Variants in RALGPS2 observed in about 807,000 individuals in gnomAD.
RALGPS2 encodes the protein ras-specific guanine nucleotide-releasing factor RalGPS2.
RALGPS2 carries 43 observed loss-of-function variants against 86.8 expected under a neutral mutation model. That is an observed-to-expected ratio of 0.50 (90% CI 0.39 to 0.64). RALGPS2 has a LOEUF of 0.64. Among genes scored for constraint, RALGPS2 ranks in the 30% least tolerant of loss-of-function variants. The probability of loss-of-function intolerance (pLI) is 0.00; values close to 1 mark genes in which losing one functional copy is unlikely to be tolerated. For synonymous variants in RALGPS2, 243 were observed against 231.3 expected (o/e 1.05, Z -0.46); for missense variants, 536 against 694.6 (o/e 0.77, Z 2.57).
intron 8 of RALGPS2, among the ~76,000 whole-genome samples, chr1:178,871,432 A>G (rs1409421599): frequency 1.3e-5 from 2 of 152,200 alleles, no homozygotes; most frequent in Admixed American, 6.5e-5. Flanking sequence ...TTTTGTTAAC[A>G]AAGAACAAGA....
chr1:178,839,521 A>G (rs1427765740), intron 8 of RALGPS2, among the ~76,000 whole-genome samples: 1 of 152,134 alleles, frequency 6.6e-6, no homozygotes, highest in Non-Finnish European at 1.5e-5. Context: ...AGCACTAAAC[A>G]TGGAAAGGAA....
Position 178,784,471 on chromosome 1 carries a change from C to T in RALGPS2, c.111C>T (p.Ser37=), listed in dbSNP as rs1653552404. ...ACAAAGGCTCTGAATTGAAGAAAAG[C>T]TTTGATGCTGTGGTATTCGATGTTC... ...LSDKGSELKK[S]FDAVVFDVLK... is the part of the protein sequence containing the mutation. Residue 37 remains serine, a synonymous_variant, in exon 3 of 20, where the codon AGC becomes AGT. Transcript: ENST00000367635. 1 of 1,606,716 alleles carries T rather than the reference C, an allele frequency of 6.2e-7. No individual in the cohort carries two copies.
chr1:178,853,472 G>GA (rs1337921919), intron 8 of RALGPS2: 8 of 905,284 alleles, frequency 8.8e-6, no homozygotes, highest in East Asian at 3.0e-5. Context: ...TGTAGATAAT[G>GA]AAAAAACATA....
rs146890252 is a variant in RALGPS2 at position 178,852,933 on chromosome 1, G to A, written c.607+19383G>A. On this transcript the variant is annotated intron_variant, in intron 8 of 19. Transcript: ENST00000367635. ...TTTCCAGTCCAAGCCAGTATTCTCC[G>A]TCAATGTTTCCAAACCCTTTCTGTT... 1.4e-3 allele frequency: 2,180 copies of A among 1,611,582 alleles called. 2 individuals are homozygous for A. Among genetic ancestry groups the A allele is most frequent in the Non-Finnish European group, 1.6e-3 (1,874 of 1,178,862 alleles).
chr1:178,821,564 ATGT>A, intron 6 of RALGPS2, 45 bp from the exon 7 acceptor site: 1 of 1,422,128 alleles, frequency 7.0e-7, no homozygotes, highest in South Asian at 1.2e-5. Flanking sequence ...TCTTGTATTC[ATGT>A]TGTTCTTTTT....
At position 178,919,839 on chromosome 1, in the gene RALGPS2, G is replaced by A. The variant is rs1177736103; in HGVS notation, c.*3480G>A. On this transcript the variant is annotated 3_prime_UTR_variant, in exon 20 of 20. Coordinates refer to ENST00000367635, the MANE Select transcript of RALGPS2 (RefSeq NM_152663.5). ...TCTTCTGCAAACAAGGGGTGCCAGT[G>A]TTGCCTAACAGAAGATAATCTTTAA... 2 of 151,966 alleles carry A rather than the reference G, an allele frequency of 1.3e-5. No homozygotes were observed. Among genetic ancestry groups the A allele is most frequent in the East Asian group, 3.8e-4 (2 of 5,196 alleles). 9.4% of individuals were successfully genotyped at this position (151,966 alleles called of 1,614,324 possible). A position where few individuals can be genotyped will look rare whatever the true frequency, so the allele number is the denominator to read the frequency against.
At chr1:178,839,786 C>G (rs1210171893) in intron 8 of RALGPS2, among the ~76,000 whole-genome samples, 3 of 152,040 alleles carry the variant, frequency 2.0e-5, no homozygotes, top group Non-Finnish European at 4.4e-5. Flanking sequence ...CAGGGACACA[C>G]ATAGGCTCAA....
Position 178,916,423 on chromosome 1 carries a change from A to G in RALGPS2, c.*64A>G. 6.8e-7 allele frequency: 1 copy of G among 1,467,278 alleles called. No homozygotes were observed. Among genetic ancestry groups the G allele is most frequent in the African/African-American group, 1.4e-5 (1 of 70,960 alleles). 90.9% of individuals were successfully genotyped at this position (1,467,278 alleles called of 1,614,324 possible). A position where few individuals can be genotyped will look rare whatever the true frequency, so the allele number is the denominator to read the frequency against. On this transcript the variant is annotated 3_prime_UTR_variant, in exon 20 of 20. Transcript: ENST00000367635. Reference sequence around the variant, plus strand: ...CGTGAGCATGAGGACCTGATAAAAGAGCGCCAGCTATAAACCATCCTGTGC... The same window carrying G: ...CGTGAGCATGAGGACCTGATAAAAGGGCGCCAGCTATAAACCATCCTGTGC...
intron 14 of RALGPS2, 83 bp downstream of exon 14, chr1:178,889,779 T>C (rs1659644065): frequency 1.0e-6 from 1 of 968,680 alleles, no homozygotes; most frequent in African/African-American, 1.7e-5. Context: ...AGAGATAATA[T>C]TTACTACATA....
intron 1 of RALGPS2, among the ~76,000 whole-genome samples, chr1:178,731,832 T>C (rs1466440795): frequency 6.6e-6 from 1 of 152,118 alleles, no homozygotes; most frequent in Non-Finnish European, 1.5e-5. Flanking sequence ...ACTTTTTCTT[T>C]GAAGGTTAGG....
At position 178,918,707 on chromosome 1, in the gene RALGPS2, A is replaced by G. The variant is rs1660887719; in HGVS notation, c.*2348A>G. ...AATTTATTCATTCAGAAAATTAGTC[A>G]TTGCTTTTTAAGATTATTTTAGCAT... On this transcript the variant is annotated 3_prime_UTR_variant, in exon 20 of 20. Transcript: ENST00000367635. 1 of 152,160 alleles carries G rather than the reference A, an allele frequency of 6.6e-6. No individual in the cohort carries two copies. Among genetic ancestry groups the G allele is most frequent in the Non-Finnish European group, 1.5e-5 (1 of 67,964 alleles). The allele number at this position is 152,160 out of a possible 1,614,324, so 9.4% of individuals were successfully genotyped here.
chr1:178,765,148 C>T (rs957115225), intron 1 of RALGPS2, among the ~76,000 whole-genome samples: 1 of 151,566 alleles, frequency 6.6e-6, no homozygotes, highest in African/African-American at 2.4e-5. Flanking sequence ...ATTACCCAGT[C>T]TCAGGTATGT....
At chr1:178,881,407 T>G (rs1659239887) in intron 10 of RALGPS2, among the ~76,000 whole-genome samples, 1 of 151,760 alleles carries the variant, frequency 6.6e-6, no homozygotes, top group Non-Finnish European at 1.5e-5. Context: ...GAACGATGAG[T>G]CATTTGGTGT....
chr1:178,819,570 G>A (rs1340476423), intron 6 of RALGPS2, among the ~76,000 whole-genome samples: 1 of 152,162 alleles, frequency 6.6e-6, no homozygotes, highest in East Asian at 1.9e-4. Context: ...ATTTTCAAAT[G>A]TCCTCCAAGG....
At chr1:178,793,917 A>G (rs1654070689) in intron 4 of RALGPS2, among the ~76,000 whole-genome samples, 1 of 152,138 alleles carries the variant, frequency 6.6e-6, no homozygotes, top group Non-Finnish European at 1.5e-5. Flanking sequence ...CCCTAGTATG[A>G]ATTTTCCAAT....
intron 19 of RALGPS2, 99 bp downstream of exon 19, chr1:178,906,966 A>G (rs1660410967): frequency 9.8e-7 from 1 of 1,023,056 alleles, no homozygotes; most frequent in Admixed American, 2.3e-5. Context: ...ATTAACTAGG[A>G]GAATGGTGGT....
intron 5 of RALGPS2, 76 bp from the exon 6 acceptor site, chr1:178,811,239 A>T (rs1417339367): frequency 8.2e-7 from 1 of 1,222,564 alleles, no homozygotes; most frequent in African/African-American, 1.6e-5. Flanking sequence ...AATTCTGCCA[A>T]AATTTTTTAA....
intron 16 of RALGPS2, among the ~76,000 whole-genome samples, chr1:178,897,079 C>T (rs970924886): frequency 1.3e-5 from 2 of 151,856 alleles, no homozygotes; most frequent in African/African-American, 4.8e-5. Flanking sequence ...GTCCCACCAA[C>T]AAATTTACAA....
chr1:178,893,391 A>C (rs1387252957), intron 15 of RALGPS2, among the ~76,000 whole-genome samples: 1 of 151,622 alleles, frequency 6.6e-6, no homozygotes, highest in South Asian at 2.1e-4. Context: ...AGTTTTTAAA[A>C]TATATTATTA....
Sources: allele counts gnomAD v4.1 joint callset (sites outside exome capture counted in the v4.1 genomes callset), GRCh38; gene constraint gnomAD v4.1.1; transcripts MANE v1.5; gene names NCBI Gene and HGNC (gene_info 2026-07-23, HGNC 2026-07-21).